The following NHSL3 variants were observed in gnomAD, a reference collection of about 807,000 sequenced individuals.
NHSL3 encodes the protein NHS-like protein 3.
the NHSL3 span, chr1:32,770,199 G>A: frequency 9.8e-5 from 157 of 1,604,342 alleles, no homozygotes; most frequent in Middle Eastern, 1.7e-4. The surrounding 1 kb of genome is among the most constrained non-coding windows in gnomAD (Gnocchi z 8.3). Flanking sequence ...CCCTGAGCCC[G>A]GCCATGTCCA....
At chr1:32,753,792 C>T in the NHSL3 span, among the ~76,000 whole-genome samples, 113 of 152,342 alleles carry the variant, frequency 7.4e-4, no homozygotes, top group East Asian at 7.9e-3. Flanking sequence ...GGCAACCCGC[C>T]TGCCCCACCT....
At chr1:32,742,059 C>T in the NHSL3 span, 185 of 1,262,802 alleles carry the variant, frequency 1.5e-4, 1 homozygote, top group African/African-American at 2.6e-3. Context: ...CCGGCCTCCG[C>T]CGCGCCTTCA....
the NHSL3 span, chr1:32,742,206 C>G: frequency 8.0e-7 from 1 of 1,245,320 alleles, no homozygotes; most frequent in African/African-American, 1.6e-5. Context: ...CGGTCGGCAC[C>G]TGGGCTGAGC....
the NHSL3 span, chr1:32,768,869 C>G: frequency 2.1e-6 from 3 of 1,447,788 alleles, no homozygotes; most frequent in Non-Finnish European, 2.8e-6. Context: ...TCACCAGGCT[C>G]TCTGATTCAA....
the NHSL3 span, among the ~76,000 whole-genome samples, chr1:32,749,196 A>T: frequency 2.0e-5 from 3 of 152,264 alleles, no homozygotes; most frequent in East Asian, 5.8e-4. Flanking sequence ...GGATGAAAGG[A>T]AGCTGGGATT....
the NHSL3 span, among the ~76,000 whole-genome samples, chr1:32,748,621 C>T: frequency 6.6e-6 from 1 of 152,166 alleles, no homozygotes; most frequent in African/African-American, 2.4e-5. Context: ...TTATTGTCCC[C>T]AGACCCTAGA....
At chr1:32,772,753 C>T in the NHSL3 span, 9 of 1,086,242 alleles carry the variant, frequency 8.3e-6, no homozygotes, top group South Asian at 3.8e-5. Flanking sequence ...CGGGCACTGT[C>T]AGTAAATCAA....
At chr1:32,755,246 A>G in the NHSL3 span, among the ~76,000 whole-genome samples, 2 of 152,348 alleles carry the variant, frequency 1.3e-5, 1 homozygote, top group Middle Eastern at 6.8e-3. Context: ...TCCCCAAGAT[A>G]GAGGGTCTTC....
At chr1:32,761,381 C>T in the NHSL3 span, among the ~76,000 whole-genome samples, 1 of 152,074 alleles carries the variant, frequency 6.6e-6, no homozygotes. Flanking sequence ...GTCGCTGGGG[C>T]AACCAGATGT....
chr1:32,753,694 T>G, the NHSL3 span, among the ~76,000 whole-genome samples: 2 of 152,192 alleles, frequency 1.3e-5, no homozygotes, highest in Non-Finnish European at 2.9e-5. Context: ...AGGTGGCTGG[T>G]GGGCTCTAGC....
At chr1:32,772,592 A>G in the NHSL3 span, 1 of 1,341,742 alleles carries the variant, frequency 7.5e-7, no homozygotes, top group Non-Finnish European at 9.9e-7. Flanking sequence ...GCTGGGGCCC[A>G]GAGGAGAATG....
chr1:32,771,817 A>T, the NHSL3 span: 1 of 1,612,060 alleles, frequency 6.2e-7, no homozygotes, highest in African/African-American at 1.3e-5. Flanking sequence ...GCCCCTGGTC[A>T]CGCCCTCGCT....
At chr1:32,759,551 C>G in the NHSL3 span, among the ~76,000 whole-genome samples, 1 of 152,188 alleles carries the variant, frequency 6.6e-6, no homozygotes, top group East Asian at 1.9e-4. Flanking sequence ...GTGGGATGGG[C>G]TCCTCCCCTC....
At chr1:32,754,282 G>T in the NHSL3 span, 13 of 584,586 alleles carry the variant, frequency 2.2e-5, no homozygotes, top group Middle Eastern at 1.3e-3. Context: ...GTGTGAGTGT[G>T]GGGGGGTCGG....
the NHSL3 span, among the ~76,000 whole-genome samples, chr1:32,758,346 A>G: frequency 6.6e-6 from 1 of 152,064 alleles, no homozygotes; most frequent in Admixed American, 6.6e-5. Flanking sequence ...CATTGTGCAC[A>G]TGGGGAGACT....
chr1:32,769,490 C>T, the NHSL3 span, among the ~76,000 whole-genome samples: 1 of 152,202 alleles, frequency 6.6e-6, no homozygotes, highest in African/African-American at 2.4e-5. Flanking sequence ...AAATTACCAT[C>T]ATTGACTTAG....
At chr1:32,745,300 C>T in the NHSL3 span, among the ~76,000 whole-genome samples, 273 of 152,184 alleles carry the variant, frequency 1.8e-3, no homozygotes, top group African/African-American at 5.3e-3. Context: ...TGGCTCACAC[C>T]TGTAATCCCA....
the NHSL3 span, among the ~76,000 whole-genome samples, chr1:32,753,826 G>A: frequency 1.3e-5 from 2 of 152,196 alleles, no homozygotes; most frequent in Non-Finnish European, 2.9e-5. Flanking sequence ...CTTCCCCTGT[G>A]CGCCCTAGGC....
chr1:32,745,260 C>T, the NHSL3 span, among the ~76,000 whole-genome samples: 1 of 151,586 alleles, frequency 6.6e-6, no homozygotes, highest in Non-Finnish European at 1.5e-5. Context: ...GGCTCTGGGC[C>T]TAAGAACAAC....
Sources: allele counts gnomAD v4.1 joint callset (sites outside exome capture counted in the v4.1 genomes callset), GRCh38; gene constraint gnomAD v4.1.1; non-coding constraint Gnocchi (gnomAD v3.1); transcripts MANE v1.5; gene names NCBI Gene and HGNC (gene_info 2026-07-23, HGNC 2026-07-21).